USP42: variants seen among roughly 807,000 people sequenced by gnomAD.
The protein encoded by USP42 is ubiquitin carboxyl-terminal hydrolase 42.
In USP42, 23 loss-of-function variants were observed where a neutral mutation model predicts 113.0. The observed-to-expected ratio is 0.20, with a 90% confidence interval of 0.15 to 0.29. The LOEUF is 0.29. Ranked by LOEUF, USP42 falls within the 10% of genes least tolerant of loss-of-function variation. The pLI is 1.00. For synonymous variants in USP42, 933 were observed against 699.0 expected (o/e 1.33, Z -5.28); for missense variants, 2,174 against 1,779.8 (o/e 1.22, Z -3.99).
upstream of USP42, among the ~76,000 whole-genome samples, chr7:6,100,916 C>T (rs1301768201): frequency 1.3e-5 from 2 of 150,884 alleles, no homozygotes; most frequent in African/African-American, 5.0e-5. Flanking sequence ...GATCTGCTTG[C>T]CTTGGCCTCC....
rs1186289903 is a variant in USP42, at chr7:6,161,352, A to ATAAT, written c.*836_*839dup. ...TATGCTATCAAACTGTGATACACTT[A>ATAAT]TAATTCACTGGTCCTGCATCAGGAG... On this transcript the variant is annotated 3_prime_UTR_variant, in exon 18 of 18. Coordinates refer to ENST00000306177, the MANE Select transcript of USP42 (RefSeq NM_032172.3). 1 of 152,598 alleles carries ATAAT rather than the reference A, an allele frequency of 6.6e-6. No homozygotes were observed. The highest frequency in any genetic ancestry group is 1.5e-5 in the Non-Finnish European group (1 of 68,034). 9.5% of individuals were successfully genotyped at this position (152,598 alleles called of 1,614,324 possible). A position where few individuals can be genotyped will look rare whatever the true frequency, so the allele number is the denominator to read the frequency against.
chr7:6,106,275 T>C (rs572878951), intron 1 of USP42, among the ~76,000 whole-genome samples: 2 of 152,368 alleles, frequency 1.3e-5, no homozygotes, highest in South Asian at 2.1e-4. Flanking sequence ...TTTTCTCTTA[T>C]AACGGAAATG....
intron 1 of USP42, among the ~76,000 whole-genome samples, chr7:6,109,381 C>A (rs529426820): frequency 3.6e-4 from 55 of 152,024 alleles, no homozygotes; most frequent in Non-Finnish European, 7.5e-4. Flanking sequence ...GAAAGGTGTT[C>A]TTTCTTCCTT....
chr7:6,151,446 T>C (rs77098901), intron 14 of USP42, among the ~76,000 whole-genome samples: 10,432 of 152,262 alleles, frequency 0.069, 828 homozygotes, highest in East Asian at 0.44. Context: ...TTTTTGTTTG[T>C]TTTTTTGTTT....
chr7:6,133,109 A>G (rs1037157528), intron 3 of USP42, among the ~76,000 whole-genome samples: 2 of 152,100 alleles, frequency 1.3e-5, no homozygotes, highest in Non-Finnish European at 2.9e-5. Context: ...ATTTCTGTCA[A>G]ATTTGGACAA....
At chr7:6,152,910 G>C (rs559005905) in intron 14 of USP42, 1 of 985,106 alleles carries the variant, frequency 1.0e-6, no homozygotes, top group Non-Finnish European at 1.2e-6. Flanking sequence ...AAAGGGAGTC[G>C]AGAGGAAAGG....
the USP42 span, among the ~76,000 whole-genome samples, chr7:6,096,975 G>A: frequency 4.7e-5 from 7 of 149,680 alleles, no homozygotes; most frequent in Admixed American, 4.0e-4. Flanking sequence ...CCATGCTGGA[G>A]TGCTGTGGCA....
intron 4 of USP42, among the ~76,000 whole-genome samples, chr7:6,138,692 C>A (rs1456435497): frequency 6.6e-6 from 1 of 152,194 alleles, no homozygotes; most frequent in Non-Finnish European, 1.5e-5. Context: ...CACCTGAGCT[C>A]CGCCTCCTGT....
chr7:6,087,083 G>A, the USP42 span, among the ~76,000 whole-genome samples: 1 of 145,654 alleles, frequency 6.9e-6, no homozygotes, highest in South Asian at 2.1e-4. Context: ...CCAGGCTGGA[G>A]TGCAGTGGTG....
intron 14 of USP42, among the ~76,000 whole-genome samples, chr7:6,153,417 T>C (rs534165465): frequency 6.6e-5 from 10 of 152,196 alleles, no homozygotes; most frequent in South Asian, 2.1e-4. Flanking sequence ...CTTGATGATA[T>C]AACATTTTAT....
At chr7:6,083,854 A>C in the USP42 span, among the ~76,000 whole-genome samples, 1 of 150,676 alleles carries the variant, frequency 6.6e-6, no homozygotes, top group East Asian at 1.9e-4. Context: ...GAAGTTAGAA[A>C]CCAAGGGGAC....
the USP42 span, among the ~76,000 whole-genome samples, chr7:6,096,198 C>T: frequency 2.6e-5 from 4 of 150,970 alleles, no homozygotes; most frequent in Non-Finnish European, 5.9e-5. Flanking sequence ...CCTGGCCAGG[C>T]GTGGTGGCTC....
chr7:6,145,778 T>C, intron 10 of USP42, 122 bp downstream of exon 10: 1 of 1,181,800 alleles, frequency 8.5e-7, no homozygotes, highest in Non-Finnish European at 1.2e-6. Flanking sequence ...GAGGTAAAAA[T>C]ATTTCTCTTG....
intron 3 of USP42, among the ~76,000 whole-genome samples, chr7:6,115,736 A>C (rs1779875754): frequency 6.6e-6 from 1 of 152,170 alleles, no homozygotes; most frequent in Non-Finnish European, 1.5e-5. Flanking sequence ...GGTATTTAAA[A>C]AGAAACATTT....
chr7:6,089,693 T>G, the USP42 span, among the ~76,000 whole-genome samples: 1 of 150,070 alleles, frequency 6.7e-6, no homozygotes, highest in Non-Finnish European at 1.5e-5. Context: ...CCACCACGCC[T>G]GGCTAATTTT....
At chr7:6,124,198 A>G (rs1405405424) in intron 3 of USP42, among the ~76,000 whole-genome samples, 3 of 151,872 alleles carry the variant, frequency 2.0e-5, no homozygotes, top group African/African-American at 7.3e-5. Context: ...CTTATGATTC[A>G]TGTTAGCATG....
At chr7:6,094,341 T>G in the USP42 span, among the ~76,000 whole-genome samples, 3 of 151,140 alleles carry the variant, frequency 2.0e-5, no homozygotes, top group South Asian at 4.1e-4. Flanking sequence ...CTGGCTAATT[T>G]TTTATTTTTT....
At chr7:6,116,615 C>G in intron 3 of USP42, 1 of 359,228 alleles carries the variant, frequency 2.8e-6, no homozygotes, top group Non-Finnish European at 5.3e-6. Flanking sequence ...TAAATTGGTT[C>G]TTTTAAAACT....
rs1361513984 is a variant in USP42, at chr7:6,160,603, A to AGAT, written c.*86_*88dup. ...ATCCCCAGCCCAGCTTAAATTATAAAGATAGACAATAACTCTGTTCCAATC... is the reference window on the plus strand; with the variant it reads ...ATCCCCAGCCCAGCTTAAATTATAAAGATGATAGACAATAACTCTGTTCCAATC... On this transcript the variant is annotated 3_prime_UTR_variant, in exon 18 of 18. Coordinates refer to ENST00000306177, the MANE Select transcript of USP42 (RefSeq NM_032172.3). 1 of 152,596 alleles carries AGAT rather than the reference A, an allele frequency of 6.6e-6. No homozygotes were observed. Among genetic ancestry groups the AGAT allele is most frequent in the East Asian group, 1.9e-4 (1 of 5,198 alleles). 9.5% of individuals were successfully genotyped at this position (152,596 alleles called of 1,614,324 possible).
Sources: allele counts gnomAD v4.1 joint callset (sites outside exome capture counted in the v4.1 genomes callset), GRCh38; gene constraint gnomAD v4.1.1; transcripts MANE v1.5; gene names NCBI Gene and HGNC (gene_info 2026-07-23, HGNC 2026-07-21).